CLK1: variants seen among roughly 807,000 people sequenced by gnomAD.
CLK1 encodes the protein dual specificity protein kinase CLK1.
In CLK1, 40 loss-of-function variants were observed where a neutral mutation model predicts 60.9. That is an observed-to-expected ratio of 0.66 (90% CI 0.51 to 0.86). CLK1 has a LOEUF of 0.86. Ranked by LOEUF, CLK1 falls within the 40% of genes least tolerant of loss-of-function variation. The probability of loss-of-function intolerance (pLI) is 0.00; values close to 1 mark genes in which losing one functional copy is unlikely to be tolerated. For missense variants in CLK1, 563 were observed against 606.1 expected (o/e 0.93, Z 0.75); for synonymous variants, 203 against 184.4 (o/e 1.10, Z -0.82).
intron 1 of CLK1, among the ~76,000 whole-genome samples, chr2:200,863,418 A>G (rs6757272): frequency 0.48 from 72,136 of 151,828 alleles, 18,190 homozygotes; most frequent in African/African-American, 0.65. Context: ...ATTAACCAGG[A>G]GTGGTGGCGC....
chr2:200,860,993 C>A, intron 3 of CLK1: 2 of 1,289,846 alleles, frequency 1.6e-6, no homozygotes, highest in Non-Finnish European at 2.0e-6. Context: ...TAAATTAAAT[C>A]AATTAACTCC....
chr2:200,863,144 T>C (rs1441726166), intron 1 of CLK1: 2 of 104,826 alleles, frequency 1.9e-5, no homozygotes, highest in Non-Finnish European at 4.4e-5. Flanking sequence ...GCTACAATTC[T>C]TTTTTTTTTA....
chr2:200,861,606 CAAACGAATGGTA>C, intron 2 of CLK1, 84 bp downstream of exon 2: 1 of 1,559,238 alleles, frequency 6.4e-7, no homozygotes, highest in Non-Finnish European at 8.7e-7. Flanking sequence ...TCATTGGAAA[CAAACGAATGGTA>C]GTAATCAGGT....
intron 1 of CLK1, 46 bp downstream of exon 1, chr2:200,864,518 C>G: frequency 2.5e-6 from 1 of 407,328 alleles, no homozygotes. Flanking sequence ...CCGCGAGGCT[C>G]ACAGGAACGG....
At chr2:200,859,846 A>T in intron 4 of CLK1, 100 bp from the exon 5 acceptor site, 3 of 1,530,586 alleles carry the variant, frequency 2.0e-6, no homozygotes, top group Non-Finnish European at 2.6e-6. Flanking sequence ...TGATGCTACA[A>T]ATTTCCTTAT....
At chr2:200,861,946 G>T in intron 1 of CLK1, 84 bp from the exon 2 acceptor site, 1 of 1,211,678 alleles carries the variant, frequency 8.3e-7, no homozygotes, top group Non-Finnish European at 1.2e-6. Context: ...GTCCCCTCGT[G>T]ACCTCGTTTT....
chr2:200,864,031 T>C lies in CLK1; in HGVS notation c.-1+533A>G, dbSNP rs895226477. ...ACTGAGGACAAAGCCACTCGCGATGTTTACGCCGACACTTTCATCATTAGA... is the reference window on the plus strand; with the variant it reads ...ACTGAGGACAAAGCCACTCGCGATGCTTACGCCGACACTTTCATCATTAGA... On this transcript the variant is annotated intron_variant, in intron 1 of 12. Coordinates refer to ENST00000321356, the MANE Select transcript of CLK1 (RefSeq NM_004071.4). 4 of 1,465,622 alleles carry C rather than the reference T, an allele frequency of 2.7e-6. No individual in the cohort carries two copies. In the South Asian group the frequency reaches 5.3e-5, roughly 19 times the overall value. The allele number at this position is 1,465,622 out of a possible 1,614,324, so 90.8% of individuals were successfully genotyped here. A position where few individuals can be genotyped will look rare whatever the true frequency, so the allele number is the denominator to read the frequency against.
chr2:200,860,323 C>G, intron 3 of CLK1, 108 bp from the exon 4 acceptor site: 2 of 1,561,056 alleles, frequency 1.3e-6, no homozygotes, highest in Non-Finnish European at 1.7e-6. Flanking sequence ...TTCAGGCATT[C>G]AGATACACGC....
chr2:200,864,520 C>T, intron 1 of CLK1, 44 bp downstream of exon 1: 1 of 403,858 alleles, frequency 2.5e-6, no homozygotes, highest in Non-Finnish European at 4.5e-6. Context: ...GCGAGGCTCA[C>T]AGGAACGGCC....
intron 1 of CLK1, chr2:200,864,147 A>G: frequency 6.4e-7 from 1 of 1,551,378 alleles, no homozygotes; most frequent in Non-Finnish European, 8.7e-7. Flanking sequence ...CACATTCTGG[A>G]ACCCCAGCAA....
At chr2:200,864,405 G>A in intron 1 of CLK1, 159 bp downstream of exon 1, 2 of 799,572 alleles carry the variant, frequency 2.5e-6, no homozygotes, top group East Asian at 3.2e-5. Flanking sequence ...AGGAAAGAGG[G>A]GCGCGCCGCC....
intron 11 of CLK1, 167 bp from the exon 12 acceptor site, chr2:200,854,160 TG>T: frequency 2.0e-6 from 1 of 501,760 alleles, no homozygotes; most frequent in Non-Finnish European, 3.5e-6. Flanking sequence ...ACTATTTAAC[TG>T]AAAAAATATT....
At chr2:200,856,836 G>A in intron 8 of CLK1, 25 bp from the exon 9 acceptor site, 2 of 1,612,628 alleles carry the variant, frequency 1.2e-6, no homozygotes, top group South Asian at 1.1e-5. Context: ...TGATGGTTAA[G>A]AAGGCATAAG....
chr2:200,861,868 T>C lies in CLK1; in HGVS notation c.1-6A>G, dbSNP rs2039144773. ...GTTCTCTTTGAGTGTCTCATCTACATAAAAGGCAAGTTTTTCCTAGTTAAA... is the reference window on the plus strand; with the variant it reads ...GTTCTCTTTGAGTGTCTCATCTACACAAAAGGCAAGTTTTTCCTAGTTAAA... On this transcript the variant is annotated splice_region_variant and splice_polypyrimidine_tract_variant and intron_variant, in intron 1 of 12. Coordinates refer to ENST00000321356, the MANE Select transcript of CLK1 (RefSeq NM_004071.4). The C allele has an allele frequency of 5.6e-6, 9 of 1,613,278 alleles. No individual in the cohort carries two copies. The highest frequency in any genetic ancestry group is 1.3e-5 in the African/African-American group (1 of 74,890).
chr2:200,863,711 C>G (rs1007202751), intron 1 of CLK1, among the ~76,000 whole-genome samples: 3 of 151,952 alleles, frequency 2.0e-5, no homozygotes, highest in Non-Finnish European at 4.4e-5. Flanking sequence ...AACATTAGCC[C>G]GGCGTCGTGG....
chr2:200,853,691 A>G (rs911292311), intron 12 of CLK1, among the ~76,000 whole-genome samples: 5 of 149,136 alleles, frequency 3.4e-5, no homozygotes, highest in African/African-American at 9.8e-5. Context: ...AAAAAAAAAA[A>G]AAAAAAAAAA....
chr2:200,864,114 T>A (rs1559329771), intron 1 of CLK1: 1 of 1,550,050 alleles, frequency 6.5e-7, no homozygotes. Context: ...AGACAACGTT[T>A]CCCCACAGCT....
intron 1 of CLK1, among the ~76,000 whole-genome samples, chr2:200,863,700 A>G (rs1296691103): frequency 6.6e-6 from 1 of 152,172 alleles, no homozygotes; most frequent in Non-Finnish European, 1.5e-5. Flanking sequence ...CTAAAAATAC[A>G]AACATTAGCC....
At chr2:200,862,132 G>A (rs1051949339) in intron 1 of CLK1, among the ~76,000 whole-genome samples, 1 of 151,878 alleles carries the variant, frequency 6.6e-6, no homozygotes, top group African/African-American at 2.4e-5. Context: ...AAAGTAGAGG[G>A]AGGAATCACA....
Sources: allele counts gnomAD v4.1 joint callset (sites outside exome capture counted in the v4.1 genomes callset), GRCh38; gene constraint gnomAD v4.1.1; transcripts MANE v1.5; gene names NCBI Gene and HGNC (gene_info 2026-07-23, HGNC 2026-07-21).